The following DBNL variants were observed in gnomAD, a reference collection of about 807,000 sequenced individuals.
The protein encoded by DBNL is drebrin-like protein.
Under a neutral mutation model 62.2 loss-of-function variants are expected in DBNL, and 35 were observed. The observed-to-expected ratio is 0.56, with a 90% CI of 0.43 to 0.75. The LOEUF is 0.75. DBNL is among the 30% of genes least tolerant of loss of function. DBNL has a pLI of 0.00. For missense variants in DBNL, 495 were observed against 578.4 expected, an observed-to-expected ratio of 0.86 and a Z score of 1.48; for synonymous variants, 197 against 218.0, an observed-to-expected ratio of 0.90 and a Z score of 0.85.
intron 4 of DBNL, among the ~76,000 whole-genome samples, chr7:44,056,297 T>C (rs2096136140): frequency 6.6e-6 from 1 of 152,210 alleles, no homozygotes. Context: ...TTGCTTACTG[T>C]AGTTTTGTAG....
rs191184606 is a variant in DBNL at position 44,052,443 on chromosome 7, C to T, written c.253-424C>T. ...TGGGCAACATGGTGAAACCCCATCT[C>T]TACTAAAATACAAAAAATTAGCTGG... On this transcript the variant is annotated intron_variant, in intron 3 of 12. Coordinates refer to ENST00000448521, the MANE Select transcript of DBNL (RefSeq NM_001014436.3). Among the ~76,000 whole-genome samples, 1,300 of 152,106 alleles carry T rather than the reference C, an allele frequency of 8.5e-3. 7 individuals are homozygous for T. The highest frequency in any genetic ancestry group is 0.017 in the Middle Eastern group (5 of 294).
rs544931800 is a variant in DBNL at position 44,055,501 on chromosome 7, T to C, written c.328-1256T>C. 3.9e-5 allele frequency among the ~76,000 whole-genome samples: 6 copies of C among 152,360 alleles called. No homozygotes were observed. The East Asian group carries it at 1.2e-3, about 29-fold the overall frequency. Reference sequence around the variant, plus strand: ...CCAAAAAACCATACTGTTTTTATAATGGCTGTACTACTTTACATTCCTACC... The same window carrying C: ...CCAAAAAACCATACTGTTTTTATAACGGCTGTACTACTTTACATTCCTACC... On this transcript the variant is annotated intron_variant, in intron 4 of 12. Transcript: ENST00000448521.
At position 44,066,609 on chromosome 7, in the gene DBNL, C is replaced by CTCTCGTCCTGGCCCTG. The variant is rs2096160551; in HGVS notation, c.*5693_*5694insTCTCGTCCTGGCCCTG. ...CAGGAGCGGGTAGGTGAGAGGCCAG[C>CTCTCGTCCTGGCCCTG]AGAGGGACCACCACTCTGAGACTTG... On this transcript the variant is annotated 3_prime_UTR_variant, in exon 13 of 13. Transcript: ENST00000448521. 1 of 152,316 alleles carries CTCTCGTCCTGGCCCTG rather than the reference C, an allele frequency of 6.6e-6. No individual in the cohort carries two copies. The highest frequency in any genetic ancestry group is 1.5e-5 in the Non-Finnish European group (1 of 68,068). 9.4% of individuals were successfully genotyped at this position (152,316 alleles called of 1,614,324 possible).
At chr7:44,047,439 T>C (rs2096119290) in intron 1 of DBNL, among the ~76,000 whole-genome samples, 1 of 152,192 alleles carries the variant, frequency 6.6e-6, no homozygotes, top group Non-Finnish European at 1.5e-5. Context: ...GCTCTCCATC[T>C]TGGATCTGTC....
At chr7:44,056,177 T>C (rs2096135908) in intron 4 of DBNL, among the ~76,000 whole-genome samples, 1 of 152,214 alleles carries the variant, frequency 6.6e-6, no homozygotes, top group South Asian at 2.1e-4. Context: ...AGACCGTCCT[T>C]TCCCCAGTGT....
At position 44,063,293 on chromosome 7, in the gene DBNL, C is replaced by A. The variant is rs1338121146; in HGVS notation, c.*2377C>A. The A allele has an allele frequency of 3.2e-5, 10 of 315,482 alleles. No individual in the cohort carries two copies. The highest frequency in any genetic ancestry group is 2.6e-4 in the South Asian group (9 of 35,186). The allele number at this position is 315,482 out of a possible 1,614,324, so 19.5% of individuals were successfully genotyped here. A position where few individuals can be genotyped will look rare whatever the true frequency, so the allele number is the denominator to read the frequency against. On this transcript the variant is annotated 3_prime_UTR_variant, in exon 13 of 13. Transcript: ENST00000448521. The stretch of plus-strand genomic sequence containing the variant: ...TTTTTTTTCTTTTCTTTTTCTTTTT[C>A]TTTTTTTTGAGATGGAGTTTTACTC...
rs1376879522 is a variant in DBNL at position 44,069,178 on chromosome 7, G to T, written c.*8262G>T. 6.6e-6 allele frequency: 1 copy of T among 152,200 alleles called. No individual in the cohort carries two copies. The highest frequency in any genetic ancestry group is 2.4e-5 in the African/African-American group (1 of 41,440). 9.4% of individuals were successfully genotyped at this position (152,200 alleles called of 1,614,324 possible). Reference sequence around the variant, plus strand: ...CTTCAGACAGAAGAGATTACTGGGGGCAATTCAAAACTTTGGGAATGCAGG... The same window carrying T: ...CTTCAGACAGAAGAGATTACTGGGGTCAATTCAAAACTTTGGGAATGCAGG... On this transcript the variant is annotated 3_prime_UTR_variant, in exon 13 of 13. Transcript: ENST00000448521.
At position 44,058,377 on chromosome 7, in the gene DBNL, G is replaced by C. The variant is rs1008779159; in HGVS notation, c.705-55G>C. On this transcript the variant is annotated intron_variant, in intron 7 of 12. Coordinates refer to ENST00000448521, the MANE Select transcript of DBNL (RefSeq NM_001014436.3). ...GAGGCGAGGAGGACTAAGGGGTGTGGCATGAGAAGCTGTGACTGTGCCTCA... is the reference window on the plus strand; with the variant it reads ...GAGGCGAGGAGGACTAAGGGGTGTGCCATGAGAAGCTGTGACTGTGCCTCA... The C allele has an allele frequency of 9.3e-6, 15 of 1,613,404 alleles. No individual in the cohort carries two copies. In the Admixed American group the frequency reaches 1.8e-4, roughly 20 times the overall value.
At position 44,052,886 on chromosome 7, in the gene DBNL, A is replaced by G; in HGVS notation, c.272A>G (p.Asp91Gly). The G allele has an allele frequency of 1.9e-6, 3 of 1,613,850 alleles. No homozygotes were observed. Among genetic ancestry groups the G allele is most frequent in the Non-Finnish European group, 2.5e-6 (3 of 1,180,014 alleles). The change falls in exon 4 of 13, where the codon GAT becomes GGT. Residue 91 changes from aspartate to glycine, a missense_variant. By Grantham distance (94) the Asp-to-Gly change is moderately conservative. Coordinates refer to ENST00000448521, the MANE Select transcript of DBNL (RefSeq NM_001014436.3). ...LINWTGEGVN[D>G]VRKGACASHV... ...TTGCAGACAGGCGAGGGCGTGAACGATGTGCGGAAGGGAGCCTGTGCCAGC... is the reference window on the plus strand; with the variant it reads ...TTGCAGACAGGCGAGGGCGTGAACGGTGTGCGGAAGGGAGCCTGTGCCAGC...
rs182902212 is a variant in DBNL, at chr7:44,064,437, C to T, written c.*3521C>T. Reference sequence around the variant, plus strand: ...GAGGAATTCAGTACCAGGGGGAGCTCCCCACCACCCCGGAAAAGGGAGAGG... The same window carrying T: ...GAGGAATTCAGTACCAGGGGGAGCTTCCCACCACCCCGGAAAAGGGAGAGG... On this transcript the variant is annotated 3_prime_UTR_variant, in exon 13 of 13. Coordinates refer to ENST00000448521, the MANE Select transcript of DBNL (RefSeq NM_001014436.3). 849 of 309,444 alleles carry T rather than the reference C, an allele frequency of 2.7e-3. 1 individual carries two copies. Among genetic ancestry groups the T allele is most frequent in the Non-Finnish European group, 4.6e-3 (731 of 160,404 alleles). 19.2% of individuals were successfully genotyped at this position (309,444 alleles called of 1,614,324 possible). A position where few individuals can be genotyped will look rare whatever the true frequency, so the allele number is the denominator to read the frequency against.
At chr7:44,044,887 CG>C in intron 1 of DBNL, 67 bp downstream of exon 1, 1 of 1,137,086 alleles carries the variant, frequency 8.8e-7, no homozygotes, top group Non-Finnish European at 1.1e-6. Flanking sequence ...CTGGGGCGAG[CG>C]GGGGACTCGG....
Position 44,060,192 on chromosome 7 carries a change from C to A in DBNL, c.1153+39C>A. 6.4e-7 allele frequency: 1 copy of A among 1,567,166 alleles called. No homozygotes were observed. The highest frequency in any genetic ancestry group is 8.8e-7 in the Non-Finnish European group (1 of 1,142,800). ...GCCTGGCTGGCACAGACCACAGGGT[C>A]CTGAGGTTAGGAGACAAGAGGGTCT... On this transcript the variant is annotated intron_variant, in intron 12 of 12. Coordinates refer to ENST00000448521, the MANE Select transcript of DBNL (RefSeq NM_001014436.3). The surrounding 1 kb of genome is among the most constrained non-coding windows in gnomAD (Gnocchi z 6.3).
rs1261399174 is a variant in DBNL at position 44,056,785 on chromosome 7, C to T, written c.356C>T (p.Ala119Val). Residue 119 changes from alanine (A) to valine (V), a missense_variant, in exon 5 of 13, where the codon GCC becomes GTC. Transcript: ENST00000448521. The stretch of plus-strand genomic sequence containing the variant: ...GCCCATGTGACCATCAACGCACGGG[C>T]CGAGGAGGATGTGGAGCCTGAGTGC... ...KGAHVTINAR[A>V]EEDVEPECIM... The T allele has an allele frequency of 1.2e-6, 2 of 1,614,040 alleles. No homozygotes were observed. The highest frequency in any genetic ancestry group is 2.2e-5 in the East Asian group (1 of 44,884).
At chr7:44,046,313 A>G (rs1347212128) in intron 1 of DBNL, among the ~76,000 whole-genome samples, 1 of 151,862 alleles carries the variant, frequency 6.6e-6, no homozygotes, top group African/African-American at 2.4e-5. Context: ...GCTTCCTGGC[A>G]CTCCTCATCT....
Position 44,065,313 on chromosome 7 carries a change from C to G in DBNL, c.*4397C>G. On this transcript the variant is annotated 3_prime_UTR_variant, in exon 13 of 13. Transcript: ENST00000448521. The stretch of plus-strand genomic sequence containing the variant: ...ACAGGCAGCCACATCTGGTCCGTGC[C>G]GTCCAGGATGGCCCAGAGGGTGCGG... 1.2e-6 allele frequency: 2 copies of G among 1,613,704 alleles called. No homozygotes were observed. The highest frequency in any genetic ancestry group is 1.7e-6 in the Non-Finnish European group (2 of 1,180,038).
rs1348520932 is a variant in DBNL at position 44,063,572 on chromosome 7, G to GC, written c.*2659dup. On this transcript the variant is annotated 3_prime_UTR_variant, in exon 13 of 13. Transcript: ENST00000448521. The stretch of plus-strand genomic sequence containing the variant: ...TGGGATTACAGGAGTGAGCCACCGT[G>GC]CCCAGCACCCTTTGGTTTCTAAAGT... 1.9e-5 allele frequency: 3 copies of GC among 161,674 alleles called. No individual in the cohort carries two copies. Among genetic ancestry groups the GC allele is most frequent in the Admixed American group, 1.7e-4 (3 of 17,514 alleles). The allele number at this position is 161,674 out of a possible 1,614,324, so 10.0% of individuals were successfully genotyped here.
At position 44,065,259 on chromosome 7, in the gene DBNL, G is replaced by A. The variant is rs149756727; in HGVS notation, c.*4343G>A. The A allele has an allele frequency of 9.3e-6, 15 of 1,613,806 alleles. No homozygotes were observed. Among genetic ancestry groups the A allele is most frequent in the Non-Finnish European group, 1.0e-5 (12 of 1,180,046 alleles). On this transcript the variant is annotated 3_prime_UTR_variant, in exon 13 of 13. Coordinates refer to ENST00000448521, the MANE Select transcript of DBNL (RefSeq NM_001014436.3). Reference sequence around the variant, plus strand: ...TTGAGGCCTGTGAGGCCCCCGTAATGCCGCTCATTGAGGCGCCAAGTGCGC... The same window carrying A: ...TTGAGGCCTGTGAGGCCCCCGTAATACCGCTCATTGAGGCGCCAAGTGCGC...
Position 44,059,089 on chromosome 7 carries a change from GGTGA to G in DBNL, c.835+116_835+119del, listed in dbSNP as rs75375757. 0.041 allele frequency: 50,853 copies of G among 1,242,010 alleles called. 1,462 individuals carry two copies. Among genetic ancestry groups the G allele is most frequent in the Non-Finnish European group, 0.049 (43,037 of 874,566 alleles). 76.9% of individuals were successfully genotyped at this position (1,242,010 alleles called of 1,614,324 possible). A position where few individuals can be genotyped will look rare whatever the true frequency, so the allele number is the denominator to read the frequency against. On this transcript the variant is annotated intron_variant, in intron 9 of 12. Coordinates refer to ENST00000448521, the MANE Select transcript of DBNL (RefSeq NM_001014436.3). This position sits in a 1 kb window ranked among gnomAD's most constrained non-coding sequence, Gnocchi z 4.1. ...GCTAGTGACAGATATATCGGTGACGGGTGAGTGAGTGAGGAGAAGGGACACCTGG... is the reference window on the plus strand; with the variant it reads ...GCTAGTGACAGATATATCGGTGACGGGTGAGTGAGGAGAAGGGACACCTGG...
chr7:44,052,239 G>A lies in DBNL; in HGVS notation c.252+297G>A, dbSNP rs1447430553. 2.0e-5 allele frequency among the ~76,000 whole-genome samples: 3 copies of A among 152,138 alleles called. No homozygotes were observed. The East Asian group carries it at 5.8e-4, about 29-fold the overall frequency. On this transcript the variant is annotated intron_variant, in intron 3 of 12. Coordinates refer to ENST00000448521, the MANE Select transcript of DBNL (RefSeq NM_001014436.3). Reference sequence around the variant, plus strand: ...TCTTGAGGGTGGTTGTTCTGATGGAGTAGAGAGCCTGAGGGAGTGTTTAGG... The same window carrying A: ...TCTTGAGGGTGGTTGTTCTGATGGAATAGAGAGCCTGAGGGAGTGTTTAGG...
Sources: allele counts gnomAD v4.1 joint callset (sites outside exome capture counted in the v4.1 genomes callset), GRCh38; gene constraint gnomAD v4.1.1; non-coding constraint Gnocchi (gnomAD v3.1); transcripts MANE v1.5; gene names NCBI Gene and HGNC (gene_info 2026-07-23, HGNC 2026-07-21).